GAD2: variants seen among roughly 807,000 people sequenced by gnomAD.
GAD2 encodes the protein 65 kDa glutamic acid decarboxylase.
Under a neutral mutation model 80.1 loss-of-function variants are expected in GAD2, and 22 were observed. The ratio of observed to expected loss-of-function variants is 0.27; its 90% CI spans 0.20 to 0.39. The LOEUF (loss-of-function observed/expected upper bound fraction) is 0.39, where lower values mean the gene tolerates loss of function less well. GAD2 is among the 10% of genes least tolerant of loss of function. GAD2 has a pLI of 1.00. For synonymous variants in GAD2, 274 were observed against 256.9 expected (o/e 1.07, Z -0.64); for missense variants, 624 against 738.4 (o/e 0.85, Z 1.80).
chr10:26,280,335 T>C (rs1261933284), intron 11 of GAD2, among the ~76,000 whole-genome samples: 1 of 152,192 alleles, frequency 6.6e-6, no homozygotes. Flanking sequence ...TGACAACATG[T>C]ACCCAAGGTG....
At chr10:26,277,390 A>G (rs974217030) in intron 11 of GAD2, among the ~76,000 whole-genome samples, 2 of 152,178 alleles carry the variant, frequency 1.3e-5, no homozygotes, top group Non-Finnish European at 2.9e-5. Context: ...CTGAGCTGGG[A>G]GTCACTGCTG....
At chr10:26,260,964 G>T (rs2132298630) in intron 8 of GAD2, among the ~76,000 whole-genome samples, 1 of 152,286 alleles carries the variant, frequency 6.6e-6, no homozygotes, top group East Asian at 1.9e-4. Flanking sequence ...ACAGACACAG[G>T]CATGCAGCGC....
At chr10:26,275,473 C>T (rs890651508) in intron 11 of GAD2, among the ~76,000 whole-genome samples, 1 of 152,144 alleles carries the variant, frequency 6.6e-6, no homozygotes, top group African/African-American at 2.4e-5. Flanking sequence ...CTCTTATTGC[C>T]GCAATTCTTG....
At chr10:26,224,424 C>A in intron 5 of GAD2, 115 bp from the exon 6 acceptor site, 1 of 739,216 alleles carries the variant, frequency 1.4e-6, no homozygotes, top group Non-Finnish European at 2.4e-6. Flanking sequence ...ATGTTATAAT[C>A]ATAACACTTG....
Position 26,286,453 on chromosome 10 carries a change from C to A in GAD2, c.1345C>A (p.His449Asn). The A allele has an allele frequency of 6.2e-7, 1 of 1,613,672 alleles. No individual in the cohort carries two copies. Among genetic ancestry groups the A allele is most frequent in the South Asian group, 1.1e-5 (1 of 90,988 alleles). Residue 449 changes from histidine (H) to asparagine (N), a missense_variant, in exon 13 of 16, where the codon CAC becomes AAC. By Grantham distance (68) the His-to-Asn change is moderately conservative (BLOSUM62 1). Transcript: ENST00000376261. The stretch of plus-strand genomic sequence containing the variant: ...AGACAAGGCCTTACAGTGCGGACGC[C>A]ACGTTGATGTTTTTAAACTATGGCT... ...TGDKALQCGR[H>N]VDVFKLWLMW...
intron 7 of GAD2, among the ~76,000 whole-genome samples, chr10:26,243,119 C>G (rs1040028170): frequency 1.3e-5 from 2 of 152,114 alleles, no homozygotes; most frequent in African/African-American, 4.8e-5. Flanking sequence ...CCTCTAGTTC[C>G]TAGGTATCAC....
chr10:26,258,105 C>T (rs1439654760), intron 8 of GAD2, among the ~76,000 whole-genome samples: 1 of 152,216 alleles, frequency 6.6e-6, no homozygotes, highest in African/African-American at 2.4e-5. Context: ...GAGTTTATGC[C>T]GTGCCAGGCA....
In GAD2 at chr10:26,223,871, A is replaced by G. The variant is rs370830186; in HGVS notation, c.521-16A>G. On this transcript the variant is annotated splice_polypyrimidine_tract_variant and intron_variant, in intron 4 of 15. Transcript: ENST00000376261. ...CACTGGAGGCAATCCTGATTCTGGT[A>G]TTCCATTTTATTCAGGGCATCCTAG... 2.6e-6 allele frequency: 4 copies of G among 1,529,566 alleles called. No homozygotes were observed. The highest frequency in any genetic ancestry group is 3.6e-6 in the Non-Finnish European group (4 of 1,116,836). 94.7% of individuals were successfully genotyped at this position (1,529,566 alleles called of 1,614,324 possible). A position where few individuals can be genotyped will look rare whatever the true frequency, so the allele number is the denominator to read the frequency against.
At chr10:26,266,299 A>C (rs1036933786) in intron 8 of GAD2, among the ~76,000 whole-genome samples, 4 of 152,176 alleles carry the variant, frequency 2.6e-5, no homozygotes, top group African/African-American at 9.7e-5. Context: ...CTACTCAATC[A>C]AAATCCCTAA....
chr10:26,293,172 C>CTTTTTTTTTT (rs987030977), intron 15 of GAD2, among the ~76,000 whole-genome samples, 181 bp downstream of exon 15: 98 of 96,406 alleles, frequency 1.0e-3, no homozygotes, highest in Non-Finnish European at 1.3e-3. Context: ...CATTTTTCTT[C>CTTTTTTTTTT]TTTTTTTTTT....
At chr10:26,218,380 A>C (rs1844408812) in intron 3 of GAD2, 1 of 181,540 alleles carries the variant, frequency 5.5e-6, no homozygotes, top group South Asian at 1.9e-4. Context: ...CATTTTTTTT[A>C]GGTCTTTAGA....
At chr10:26,296,993 C>A (rs972720602) in intron 15 of GAD2, among the ~76,000 whole-genome samples, 1 of 152,062 alleles carries the variant, frequency 6.6e-6, no homozygotes, top group Admixed American at 6.5e-5. Context: ...CGGCTCACTG[C>A]AACCTCCACC....
At position 26,218,535 on chromosome 10, in the gene GAD2, G is replaced by GCTCTCT. The variant is rs143813747; in HGVS notation, c.287-496_287-491dup. ...CACACATGCAGACACACATGCATAC[G>GCTCTCT]CTCTCTCTCTCTCTCTCACACACAC... is the stretch of plus-strand genomic sequence containing the variant. On this transcript the variant is annotated intron_variant, in intron 3 of 15. Coordinates refer to ENST00000376261, the MANE Select transcript of GAD2 (RefSeq NM_001134366.2). 7.2e-3 allele frequency among the ~76,000 whole-genome samples: 923 copies of GCTCTCT among 127,990 alleles called. 15 individuals carry two copies. Among genetic ancestry groups the GCTCTCT allele is most frequent in the African/African-American group, 0.027 (850 of 30,972 alleles). The allele number at this position is 127,990 out of a possible 152,430, so 84.0% of individuals were successfully genotyped here. A position where few individuals can be genotyped will look rare whatever the true frequency, so the allele number is the denominator to read the frequency against.
chr10:26,233,370 T>C (rs937810132), intron 7 of GAD2, among the ~76,000 whole-genome samples: 3 of 152,220 alleles, frequency 2.0e-5, no homozygotes, highest in African/African-American at 4.8e-5. Flanking sequence ...TTTGTGACTC[T>C]CTCTTTCTAC....
At chr10:26,288,725 T>C (rs1185669299) in intron 13 of GAD2, among the ~76,000 whole-genome samples, 1 of 152,206 alleles carries the variant, frequency 6.6e-6, no homozygotes, top group African/African-American at 2.4e-5. Flanking sequence ...TTTTTTCCCC[T>C]GTGGTGTTTT....
At chr10:26,218,775 G>T (rs901792616) in intron 3 of GAD2, among the ~76,000 whole-genome samples, 11 of 152,190 alleles carry the variant, frequency 7.2e-5, no homozygotes, top group Non-Finnish European at 1.3e-4. Flanking sequence ...GGAGGTACAC[G>T]CTCTTCAAAA....
chr10:26,294,101 C>T (rs959478955), intron 15 of GAD2, among the ~76,000 whole-genome samples: 4 of 152,122 alleles, frequency 2.6e-5, no homozygotes, highest in Non-Finnish European at 4.4e-5. Context: ...GTCCCCCATT[C>T]GAAACTAGGG....
chr10:26,237,453 G>T (rs980904518), intron 7 of GAD2, among the ~76,000 whole-genome samples: 4 of 151,998 alleles, frequency 2.6e-5, no homozygotes, highest in African/African-American at 9.7e-5. Flanking sequence ...ACATGGGAAG[G>T]GTAGTGCACT....
At chr10:26,298,087 T>C (rs778829733) in intron 15 of GAD2, among the ~76,000 whole-genome samples, 10 of 152,158 alleles carry the variant, frequency 6.6e-5, no homozygotes, top group Non-Finnish European at 1.3e-4. Flanking sequence ...AAAGAATGTG[T>C]GTAAGGTCAG....
Sources: gnomAD v4.1 joint callset for allele counts (sites outside exome capture counted in the v4.1 genomes callset) on GRCh38, gnomAD v4.1.1 for gene constraint, MANE v1.5 for transcripts, NCBI Gene and HGNC (gene_info 2026-07-23, HGNC 2026-07-21) for gene names.